The following ATP10A variants were observed in gnomAD, a reference collection of about 807,000 sequenced individuals.
ATP10A encodes ATPase phospholipid transporting 10A (putative).
In ATP10A, 111 loss-of-function variants were observed where a neutral mutation model predicts 147.8. The ratio of observed to expected loss-of-function variants is 0.75; its 90% CI spans 0.64 to 0.88. The LOEUF (loss-of-function observed/expected upper bound fraction) is 0.88. Ranked by LOEUF, ATP10A falls within the 40% of genes least tolerant of loss-of-function variation. ATP10A has a pLI of 0.00. For missense variants in ATP10A, 1,927 were observed against 1,959.0 expected (o/e 0.98, Z 0.31); for synonymous variants, 875 against 841.6 (o/e 1.04, Z -0.69).
At chr15:25,855,873 A>T (rs1026665918) in intron 1 of ATP10A, among the ~76,000 whole-genome samples, 11 of 152,214 alleles carry the variant, frequency 7.2e-5, no homozygotes, top group African/African-American at 2.7e-4. Flanking sequence ...TCAACATGTA[A>T]ACATACTGAC....
downstream of ATP10A, among the ~76,000 whole-genome samples, chr15:25,674,969 G>C (rs1899108294): frequency 6.6e-6 from 1 of 152,224 alleles, no homozygotes; most frequent in Admixed American, 6.5e-5. Flanking sequence ...CCTGGGCTTT[G>C]TGTGCCATTT....
At chr15:25,676,760 A>C (rs973049291), downstream of ATP10A, among the ~76,000 whole-genome samples, 1 of 152,014 alleles carries the variant, frequency 6.6e-6, no homozygotes, top group Non-Finnish European at 1.5e-5. Flanking sequence ...CATATTGTTT[A>C]TATATTAAAT....
In ATP10A at chr15:25,680,438, T is replaced by G. The variant is rs1450324877; in HGVS notation, c.3679-130A>C. ...AGGCCTTCAGACACACTGCGGTCTA[T>G]GACGCGGGTAACCGGTGGGGCTCAA... On this transcript the variant is annotated intron_variant, in intron 19 of 20. Coordinates refer to ENST00000555815, the MANE Select transcript of ATP10A (RefSeq NM_024490.4). 6.0e-6 allele frequency: 6 copies of G among 998,632 alleles called. No individual in the cohort carries two copies. In the East Asian group the frequency reaches 1.0e-4, roughly 17 times the overall value. 61.9% of individuals were successfully genotyped at this position (998,632 alleles called of 1,614,324 possible).
intron 1 of ATP10A, among the ~76,000 whole-genome samples, chr15:25,830,741 T>C (rs928451172): frequency 1.8e-4 from 28 of 152,300 alleles, no homozygotes; most frequent in African/African-American, 6.0e-4. Context: ...CATGAGGTCA[T>C]GACATTTTAA....
intron 12 of ATP10A, among the ~76,000 whole-genome samples, chr15:25,705,042 G>A (rs911419053): frequency 6.6e-6 from 1 of 152,188 alleles, no homozygotes; most frequent in Non-Finnish European, 1.5e-5. Flanking sequence ...TTTGAATTTA[G>A]GTTCCTGCCC....
chr15:25,702,230 C>G (rs766392646), intron 12 of ATP10A, 130 bp from the exon 13 acceptor site: 2 of 946,074 alleles, frequency 2.1e-6, no homozygotes, highest in Admixed American at 6.1e-5. Flanking sequence ...CTGGGCCTTG[C>G]CAGGGGCTGG....
At chr15:25,687,966 T>C in intron 15 of ATP10A, 138 bp from the exon 16 acceptor site, 1 of 1,171,424 alleles carries the variant, frequency 8.5e-7, no homozygotes, top group Non-Finnish European at 1.3e-6. Flanking sequence ...CCGGCCAGGG[T>C]CTCCATCGCT....
intron 2 of ATP10A, among the ~76,000 whole-genome samples, chr15:25,777,219 C>T (rs988517571): frequency 3.4e-4 from 51 of 152,042 alleles, no homozygotes; most frequent in Non-Finnish European, 5.6e-4. Flanking sequence ...CATATTCCTG[C>T]AGGCAACATG....
At chr15:25,818,237 A>T (rs1437367487) in intron 1 of ATP10A, among the ~76,000 whole-genome samples, 2 of 152,208 alleles carry the variant, frequency 1.3e-5, no homozygotes, top group East Asian at 3.8e-4. Context: ...TTGAATTTTC[A>T]ATTTAACTTG....
intron 1 of ATP10A, among the ~76,000 whole-genome samples, chr15:25,794,670 G>A (rs901368047): frequency 2.6e-5 from 4 of 152,220 alleles, no homozygotes; most frequent in Non-Finnish European, 5.9e-5. Context: ...ATCAACAGCA[G>A]CAGTGCCCTC....
At chr15:25,713,425 A>G (rs530869585) in intron 10 of ATP10A, among the ~76,000 whole-genome samples, 1 of 152,334 alleles carries the variant, frequency 6.6e-6, no homozygotes, top group African/African-American at 2.4e-5. Flanking sequence ...ACACTCTTCA[A>G]GTATCCTCTG....
At chr15:25,778,159 C>T (rs894852585) in intron 2 of ATP10A, among the ~76,000 whole-genome samples, 6 of 152,020 alleles carry the variant, frequency 3.9e-5, no homozygotes, top group African/African-American at 1.5e-4. Context: ...CGTTGCAAAT[C>T]ACTTCTAATT....
downstream of ATP10A, among the ~76,000 whole-genome samples, chr15:25,675,607 C>T (rs1357774357): frequency 6.6e-6 from 1 of 151,988 alleles, no homozygotes; most frequent in African/African-American, 2.4e-5. Flanking sequence ...ACCAGGCTGT[C>T]TTCCCCAGAG....
chr15:25,786,079 GAGA>G (rs1890144722), intron 1 of ATP10A, among the ~76,000 whole-genome samples: 1 of 152,254 alleles, frequency 6.6e-6, no homozygotes, highest in African/African-American at 2.4e-5. Context: ...GAAGTGTGGG[GAGA>G]AGGAGAGCTG....
chr15:25,679,383 G>A lies in ATP10A; in HGVS notation c.4458C>T (p.Asp1486=), dbSNP rs760720206. The change falls in exon 21 of 21, where the codon GAC becomes GAT. Residue 1486 remains aspartate, a synonymous_variant. Coordinates refer to ENST00000555815, the MANE Select transcript of ATP10A (RefSeq NM_024490.4). ...HSGRSGLQGP[D]HRLLIGASSR... ...AAGATGCTCCTATAAGTAGTCTGTGGTCTGGCCCTTGAAGTCCTGATCGGC... is the reference window on the plus strand; with the variant it reads ...AAGATGCTCCTATAAGTAGTCTGTGATCTGGCCCTTGAAGTCCTGATCGGC... 2 of 1,604,836 alleles carry A rather than the reference G, an allele frequency of 1.2e-6. No individual in the cohort carries two copies. The highest frequency in any genetic ancestry group is 1.1e-5 in the South Asian group (1 of 90,864).
intron 2 of ATP10A, among the ~76,000 whole-genome samples, chr15:25,775,586 A>C (rs367880338): frequency 6.6e-6 from 1 of 151,896 alleles, no homozygotes; most frequent in South Asian, 2.1e-4. Flanking sequence ...ACCACTGTGC[A>C]CACACACACG....
At chr15:25,827,877 C>A (rs1170781787) in intron 1 of ATP10A, among the ~76,000 whole-genome samples, 1 of 151,992 alleles carries the variant, frequency 6.6e-6, no homozygotes, top group Non-Finnish European at 1.5e-5. Flanking sequence ...TTAAAAAGCA[C>A]AATCCATCTA....
intron 1 of ATP10A, among the ~76,000 whole-genome samples, chr15:25,838,728 GATA>G (rs1488902160): frequency 6.6e-6 from 1 of 152,210 alleles, no homozygotes; most frequent in Admixed American, 6.5e-5. Context: ...GGCGCTTGAT[GATA>G]ATATCGCATG....
intron 1 of ATP10A, among the ~76,000 whole-genome samples, chr15:25,815,186 AAAAC>A (rs1317569843): frequency 6.6e-6 from 1 of 152,206 alleles, no homozygotes; most frequent in Admixed American, 6.5e-5. Context: ...CATCATAAGA[AAAAC>A]AAAACCACAA....
Sources: allele counts gnomAD v4.1 joint callset (sites outside exome capture counted in the v4.1 genomes callset), GRCh38; gene constraint gnomAD v4.1.1; transcripts MANE v1.5; gene names NCBI Gene and HGNC (gene_info 2026-07-23, HGNC 2026-07-21).